DNAJB14: variants seen among roughly 807,000 people sequenced by gnomAD.
The protein encoded by DNAJB14 is dnaJ homolog subfamily B member 14.
A neutral mutation model predicts 48.4 loss-of-function variants in DNAJB14; 22 were observed. That is an observed-to-expected ratio of 0.45 (90% confidence interval 0.32 to 0.65). The LOEUF (loss-of-function observed/expected upper bound fraction) is 0.65. Among genes scored for constraint, DNAJB14 ranks in the 30% least tolerant of loss-of-function variants. The probability of loss-of-function intolerance (pLI) is 0.03; values close to 1 mark genes in which losing one functional copy is unlikely to be tolerated. For synonymous variants in DNAJB14, 142 were observed against 158.7 expected (o/e 0.89, Z 0.79); for missense variants, 319 against 458.8 (o/e 0.70, Z 2.78).
intron 1 of DNAJB14, among the ~76,000 whole-genome samples, chr4:99,934,613 G>C (rs910138773): frequency 3.3e-5 from 5 of 151,396 alleles, no homozygotes; most frequent in Admixed American, 2.0e-4. Flanking sequence ...GGTCAACATG[G>C]TGAAATCCTG....
At chr4:99,914,620 G>A (rs1190549489) in intron 3 of DNAJB14, among the ~76,000 whole-genome samples, 1 of 151,748 alleles carries the variant, frequency 6.6e-6, no homozygotes, top group Non-Finnish European at 1.5e-5. Context: ...TTGTGCACAT[G>A]TACCCTAGAA....
chr4:99,921,301 A>C (rs1726050647), intron 3 of DNAJB14, among the ~76,000 whole-genome samples: 1 of 152,192 alleles, frequency 6.6e-6, no homozygotes, highest in South Asian at 2.1e-4. Context: ...GTAAGTATTA[A>C]GTTTCTAGTT....
intron 3 of DNAJB14, among the ~76,000 whole-genome samples, chr4:99,916,922 C>G (rs189001761): frequency 1.3e-5 from 2 of 152,050 alleles, no homozygotes; most frequent in South Asian, 2.1e-4. Flanking sequence ...ATCATGCAAT[C>G]GAGAGATAGA....
chr4:99,912,517 T>A (rs1725700525), intron 3 of DNAJB14, among the ~76,000 whole-genome samples: 1 of 152,164 alleles, frequency 6.6e-6, no homozygotes, highest in Admixed American at 6.5e-5. Flanking sequence ...TTTGCTCTTG[T>A]TGTCCTGGCT....
chr4:99,903,341 T>C (rs773277442), intron 7 of DNAJB14, among the ~76,000 whole-genome samples: 2 of 151,954 alleles, frequency 1.3e-5, no homozygotes, highest in Non-Finnish European at 2.9e-5. Context: ...GCTAAATTAA[T>C]AGAGTTTCAA....
At chr4:99,931,118 A>T (rs1407675081) in intron 1 of DNAJB14, among the ~76,000 whole-genome samples, 2 of 152,228 alleles carry the variant, frequency 1.3e-5, no homozygotes, top group African/African-American at 4.8e-5. Flanking sequence ...TCCAACAAAT[A>T]GAAAATTTAT....
At chr4:99,934,995 T>A (rs1214779178) in intron 1 of DNAJB14, among the ~76,000 whole-genome samples, 1 of 151,222 alleles carries the variant, frequency 6.6e-6, no homozygotes, top group African/African-American at 2.4e-5. Context: ...AACATTTTTT[T>A]AAAAAGTCAA....
rs1229831189 is a variant in DNAJB14, at chr4:99,903,893, G to C, written c.848C>G (p.Thr283Ser). The C allele has an allele frequency of 6.2e-7, 1 of 1,611,060 alleles. No individual in the cohort carries two copies. Among genetic ancestry groups the C allele is most frequent in the East Asian group, 2.2e-5 (1 of 44,764 alleles). ...PPYSLYPRSGTGQTIKMQTEN... is the reference protein window; with the variant it reads ...PPYSLYPRSGSGQTIKMQTEN... ...TGTTTGCATTTTAATAGTTTGCCCA[G>C]TTCCACTGTAAAAGAGATGCATCAT... The change falls in exon 7 of 8, where the codon ACT (threonine) becomes AGT (serine). Residue 283 changes from threonine to serine, a missense_variant. Transcript: ENST00000442697.
At chr4:99,936,932 A>G (rs1726696945) in intron 1 of DNAJB14, among the ~76,000 whole-genome samples, 1 of 152,274 alleles carries the variant, frequency 6.6e-6, no homozygotes, top group South Asian at 2.1e-4. Context: ...AATGGATGCT[A>G]CAAAGAGACA....
chr4:99,936,184 G>A (rs988258164), intron 1 of DNAJB14, among the ~76,000 whole-genome samples: 1 of 152,262 alleles, frequency 6.6e-6, no homozygotes, highest in Non-Finnish European at 1.5e-5. Context: ...ATAAAAGCTC[G>A]ATTTTATGTA....
At chr4:99,915,243 T>C (rs1725812391) in intron 3 of DNAJB14, among the ~76,000 whole-genome samples, 1 of 152,216 alleles carries the variant, frequency 6.6e-6, no homozygotes, top group Non-Finnish European at 1.5e-5. Context: ...GTTCATGCCA[T>C]TCTCCTGCCT....
At chr4:99,946,173 G>A (rs1727060709) in intron 1 of DNAJB14, among the ~76,000 whole-genome samples, 1 of 152,222 alleles carries the variant, frequency 6.6e-6, no homozygotes, top group Admixed American at 6.5e-5. Flanking sequence ...AATGAAACCC[G>A]GACATTTAGG....
intron 3 of DNAJB14, among the ~76,000 whole-genome samples, chr4:99,910,125 A>G (rs1230062471): frequency 6.6e-6 from 1 of 151,988 alleles, no homozygotes; most frequent in East Asian, 1.9e-4. Context: ...TATATACAAT[A>G]CTCTGGATAT....
intron 2 of DNAJB14, chr4:99,924,642 AT>A (rs1578227648): frequency 5.3e-6 from 7 of 1,318,652 alleles, no homozygotes; most frequent in Non-Finnish European, 7.3e-6. Context: ...CATTTGACAT[AT>A]ATCTGTAAAC....
intron 2 of DNAJB14, chr4:99,924,358 G>A (rs1204212919): frequency 6.3e-6 from 1 of 159,390 alleles, no homozygotes; most frequent in Non-Finnish European, 1.3e-5. Context: ...ACAGTGCTTG[G>A]CACACAAAAG....
At chr4:99,921,127 G>A (rs899726259) in intron 3 of DNAJB14, among the ~76,000 whole-genome samples, 3 of 152,152 alleles carry the variant, frequency 2.0e-5, no homozygotes, top group Non-Finnish European at 2.9e-5. Context: ...TACAACTTGA[G>A]TTTTCTATGC....
chr4:99,945,270 T>A (rs1229686324), intron 1 of DNAJB14, among the ~76,000 whole-genome samples: 1 of 152,118 alleles, frequency 6.6e-6, no homozygotes, highest in Non-Finnish European at 1.5e-5. Context: ...TCCTCATGGG[T>A]ATAGTGTTAG....
At chr4:99,937,725 A>G (rs551719208) in intron 1 of DNAJB14, among the ~76,000 whole-genome samples, 1 of 151,988 alleles carries the variant, frequency 6.6e-6, no homozygotes, top group African/African-American at 2.4e-5. Flanking sequence ...GACTCAAAAA[A>G]AGGAACACAC....
At chr4:99,942,902 G>A (rs1252421410) in intron 1 of DNAJB14, among the ~76,000 whole-genome samples, 2 of 152,084 alleles carry the variant, frequency 1.3e-5, no homozygotes, top group African/African-American at 2.4e-5. Flanking sequence ...TGAGTTATAA[G>A]AATTTGGTGG....
Sources: allele counts gnomAD v4.1 joint callset (sites outside exome capture counted in the v4.1 genomes callset), GRCh38; gene constraint gnomAD v4.1.1; transcripts MANE v1.5; gene names NCBI Gene and HGNC (gene_info 2026-07-23, HGNC 2026-07-21).